MVK: variants seen among roughly 807,000 people sequenced by gnomAD.
The protein encoded by MVK is LH receptor mRNA-binding protein.
MVK carries 34 observed loss-of-function variants against 43.2 expected under a neutral mutation model. The observed-to-expected ratio is 0.79, with a 90% CI of 0.60 to 1.05. The LOEUF (loss-of-function observed/expected upper bound fraction) is 1.05. MVK is among the 50% of genes least tolerant of loss of function. The pLI is 0.00. For missense variants in MVK, 395 were observed against 504.0 expected, an observed-to-expected ratio of 0.78 and a Z score of 2.07; for synonymous variants, 190 against 219.8, an observed-to-expected ratio of 0.86 and a Z score of 1.20.
In MVK at chr12:109,595,717, G is replaced by A. The variant is rs925637712; in HGVS notation, c.1039+536G>A. ...GACACCTACCTCTGCCCTCAGGCTC[G>A]CTCCTGGCCTACAGTAGGCACTAAC... On this transcript the variant is annotated intron_variant, in intron 10 of 10. Transcript: ENST00000228510. This position sits in a 1 kb window ranked among gnomAD's most constrained non-coding sequence, Gnocchi z 5.9. Among the ~76,000 whole-genome samples the A allele has an allele frequency of 6.6e-6, 1 of 152,140 alleles. No homozygotes were observed. The highest frequency in any genetic ancestry group is 1.5e-5 in the Non-Finnish European group (1 of 68,012).
At position 109,596,848 on chromosome 12, in the gene MVK, C is replaced by G. The variant is rs923153834; in HGVS notation, c.*271C>G. 5.5e-6 allele frequency: 3 copies of G among 543,720 alleles called. No homozygotes were observed. In the African/African-American group the frequency reaches 5.7e-5, roughly 10 times the overall value. 33.7% of individuals were successfully genotyped at this position (543,720 alleles called of 1,614,324 possible). ...GACCTGAGGCGAGAAGGGCTGCTTC[C>G]CTGAAGCTCCCACAGTCCCATCTGC... On this transcript the variant is annotated 3_prime_UTR_variant, in exon 11 of 11. Transcript: ENST00000228510.
chr12:109,586,053 A>G lies in MVK; in HGVS notation c.559A>G (p.Lys187Glu). The stretch of plus-strand genomic sequence containing the variant: ...CAAGGAGGATTTGGAGCTAATTAAC[A>G]AGTGGGCCTTCCAAGGGGAGAGAAT... Reference protein sequence around the residue: ...WTKEDLELINKWAFQGERMIH... With the variant: ...WTKEDLELINEWAFQGERMIH... The change falls in exon 6 of 11, where the codon AAG becomes GAG. Residue 187 changes from lysine (K) to glutamate (E), a missense_variant. Transcript: ENST00000228510. 6.2e-7 allele frequency: 1 copy of G among 1,614,118 alleles called. No homozygotes were observed. Among genetic ancestry groups the G allele is most frequent in the East Asian group, 2.2e-5 (1 of 44,882 alleles).
chr12:109,588,762 C>G (rs532643487), intron 7 of MVK: 2 of 152,392 alleles, frequency 1.3e-5, no homozygotes, highest in Admixed American at 1.3e-4. Context: ...GTACTGGGGC[C>G]TCCGCAGGGA....
In MVK at chr12:109,595,303, G is replaced by A; in HGVS notation, c.1039+122G>A. 7.8e-7 allele frequency: 1 copy of A among 1,275,046 alleles called. No individual in the cohort carries two copies. The highest frequency in any genetic ancestry group is 2.4e-5 in the East Asian group (1 of 41,044). The allele number at this position is 1,275,046 out of a possible 1,614,324, so 79.0% of individuals were successfully genotyped here. On this transcript the variant is annotated intron_variant, in intron 10 of 10. Coordinates refer to ENST00000228510, the MANE Select transcript of MVK (RefSeq NM_000431.4). The surrounding 1 kb of genome is among the most constrained non-coding windows in gnomAD (Gnocchi z 5.9). ...GGTCTCAGCTCCGCTGTGTGGCCTTGGGCAAGTTAGTTAACCTCTGGTCTT... is the reference window on the plus strand; with the variant it reads ...GGTCTCAGCTCCGCTGTGTGGCCTTAGGCAAGTTAGTTAACCTCTGGTCTT...
chr12:109,596,662 CG>C lies in MVK; in HGVS notation c.*86del. 1 of 1,545,236 alleles carries C rather than the reference CG, an allele frequency of 6.5e-7. No homozygotes were observed. The highest frequency in any genetic ancestry group is 8.7e-7 in the Non-Finnish European group (1 of 1,143,796). The stretch of plus-strand genomic sequence containing the variant: ...TGCAGTTCGACTCTGTGCTGGCCAG[CG>C]AGCGCCCAGCTCCTGACACTGCTGG... On this transcript the variant is annotated 3_prime_UTR_variant, in exon 11 of 11. Coordinates refer to ENST00000228510, the MANE Select transcript of MVK (RefSeq NM_000431.4).
rs1884874350 is a variant in MVK at position 109,575,031 on chromosome 12, G to T, written c.78+131G>T. On this transcript the variant is annotated intron_variant, in intron 2 of 10. Transcript: ENST00000228510. ...GAGAGATCAGGTTCTCCCCAGCCAGGCAAGGAAAAGATTTCTTATGCCCAC... is the reference window on the plus strand; with the variant it reads ...GAGAGATCAGGTTCTCCCCAGCCAGTCAAGGAAAAGATTTCTTATGCCCAC... The T allele has an allele frequency of 5.6e-6, 5 of 892,764 alleles. No homozygotes were observed. In the South Asian group the frequency reaches 5.7e-5, roughly 10 times the overall value. The allele number at this position is 892,764 out of a possible 1,614,324, so 55.3% of individuals were successfully genotyped here.
upstream of MVK, chr12:109,573,391 G>C (rs977547060): frequency 6.2e-7 from 1 of 1,612,442 alleles, no homozygotes; most frequent in Non-Finnish European, 8.5e-7. Context: ...TCTGGAAACG[G>C]GGATACAGGA....
intron 5 of MVK, among the ~76,000 whole-genome samples, chr12:109,585,662 G>T (rs771740445): frequency 6.6e-6 from 1 of 152,152 alleles, no homozygotes; most frequent in South Asian, 2.1e-4. Flanking sequence ...CCAGCTGCTC[G>T]GGAGGCTGAG....
chr12:109,581,502 T>A lies in MVK; in HGVS notation c.479T>A (p.Val160Glu). Reference sequence around the variant, plus strand: ...TGTCTGGCAGCAGCCCTCCTGACTGTGTGCGAGGAGATCCCAAACCCGCTG... The same window carrying A: ...TGTCTGGCAGCAGCCCTCCTGACTGAGTGCGAGGAGATCCCAAACCCGCTG... ...SVCLAAALLT[V>E]CEEIPNPLKD... The change falls in exon 5 of 11, where the codon GTG (valine) becomes GAG (glutamate). Residue 160 changes from valine (V) to glutamate (E), a missense_variant. Physicochemically the swap from Val to Glu is moderately radical, Grantham distance 121 (BLOSUM62 -2). Transcript: ENST00000228510. 14 of 1,614,214 alleles carry A rather than the reference T, an allele frequency of 8.7e-6. No individual in the cohort carries two copies. The highest frequency in any genetic ancestry group is 1.2e-5 in the Non-Finnish European group (14 of 1,180,034).
intron 3 of MVK, among the ~76,000 whole-genome samples, chr12:109,577,306 A>T (rs2136220768): frequency 6.6e-6 from 1 of 152,334 alleles, no homozygotes; most frequent in East Asian, 1.9e-4. Context: ...CCTGGGCTGA[A>T]TGAAGCCTTG....
Position 109,596,837 on chromosome 12 carries a change from AG to A in MVK, c.*263del. ...CTGAGACTCCAGACCTGAGGCGAGA[AG>A]GGCTGCTTCCCTGAAGCTCCCACAG... is the stretch of plus-strand genomic sequence containing the variant. On this transcript the variant is annotated 3_prime_UTR_variant, in exon 11 of 11. Coordinates refer to ENST00000228510, the MANE Select transcript of MVK (RefSeq NM_000431.4). 1.8e-6 allele frequency: 1 copy of A among 566,614 alleles called. No homozygotes were observed. The highest frequency in any genetic ancestry group is 2.0e-5 in the South Asian group (1 of 50,048). The allele number at this position is 566,614 out of a possible 1,614,324, so 35.1% of individuals were successfully genotyped here. A position where few individuals can be genotyped will look rare whatever the true frequency, so the allele number is the denominator to read the frequency against.
chr12:109,590,840 C>A lies in MVK; in HGVS notation c.747C>A (p.Gly249=), dbSNP rs144788669. ...VPRNTRALVA[G]VRNRLLKFPE... is the part of the protein sequence containing the mutation. ...GCAATACCAGGGCCCTTGTGGCTGG[C>A]GTCAGAAACAGGCTGCTCAAGGTGA... is the stretch of plus-strand genomic sequence containing the variant. The change falls in exon 8 of 11, where the codon GGC becomes GGA. Residue 249 remains glycine, a synonymous_variant. Coordinates refer to ENST00000228510, the MANE Select transcript of MVK (RefSeq NM_000431.4). 4 of 1,613,930 alleles carry A rather than the reference C, an allele frequency of 2.5e-6. No homozygotes were observed. The highest frequency in any genetic ancestry group is 2.7e-5 in the African/African-American group (2 of 74,898).
chr12:109,577,693 T>TG (rs1885019227), intron 3 of MVK, among the ~76,000 whole-genome samples: 1 of 152,118 alleles, frequency 6.6e-6, no homozygotes, highest in South Asian at 2.1e-4. Context: ...GTGATGGTGG[T>TG]GGTGGTTTTT....
chr12:109,587,412 C>CAA (rs1885485550), intron 7 of MVK, among the ~76,000 whole-genome samples: 1 of 152,070 alleles, frequency 6.6e-6, no homozygotes, highest in African/African-American at 2.4e-5. Flanking sequence ...GCGATTTCAG[C>CAA]ATTCTCTGTT....
Position 109,579,907 on chromosome 12 carries a change from C to T in MVK, c.332C>T (p.Ala111Val), listed in dbSNP as rs2136224647. The T allele has an allele frequency of 6.2e-7, 1 of 1,614,224 alleles. No homozygotes were observed. The highest frequency in any genetic ancestry group is 2.2e-5 in the East Asian group (1 of 44,886). The change falls in exon 4 of 11, where the codon GCC becomes GTC. Residue 111 changes from alanine to valine, a missense_variant. Physicochemically the swap from Ala to Val is moderately conservative, Grantham distance 64. Coordinates refer to ENST00000228510, the MANE Select transcript of MVK (RefSeq NM_000431.4). The stretch of plus-strand genomic sequence containing the variant: ...GTCACCGAGCGCCTGGCTGTGCTGG[C>T]CTTTCTTTACTTATACCTGTCCATC... ...CAVTERLAVL[A>V]FLYLYLSICR...
chr12:109,573,307 A>G (rs1884728421), upstream of MVK: 2 of 1,611,494 alleles, frequency 1.2e-6, no homozygotes, highest in Non-Finnish European at 1.7e-6. Flanking sequence ...ACCACGATTC[A>G]CGGCAGGTGT....
chr12:109,590,908 C>T, intron 8 of MVK, 47 bp downstream of exon 8: 1 of 1,581,498 alleles, frequency 6.3e-7, no homozygotes, highest in Non-Finnish European at 8.7e-7. Context: ...GGCCAGGACA[C>T]AATTACATCT....
rs776000028 is a variant in MVK, at chr12:109,586,091, C to T, written c.597C>T (p.Asn199=). The change falls in exon 6 of 11, where the codon AAC becomes AAT. Residue 199 remains asparagine (N), a synonymous_variant. Transcript: ENST00000228510. ...AAGGGGAGAGAATGATTCACGGGAA[C>T]CCCTCCGGAGTGGACAATGCTGTCA... is the stretch of plus-strand genomic sequence containing the variant. ...AFQGERMIHG[N]PSGVDNAVST... is the part of the protein sequence containing the mutation. 2.5e-6 allele frequency: 4 copies of T among 1,614,178 alleles called. No individual in the cohort carries two copies. Among genetic ancestry groups the T allele is most frequent in the Non-Finnish European group, 2.5e-6 (3 of 1,180,018 alleles).
At chr12:109,596,337 A>C in intron 10 of MVK, 89 bp from the exon 11 acceptor site, 2 of 1,533,114 alleles carry the variant, frequency 1.3e-6, no homozygotes, top group Non-Finnish European at 1.8e-6. Context: ...AAGGCACAGC[A>C]GGAAGGCCTG....
Sources: gnomAD v4.1 joint callset for allele counts (sites outside exome capture counted in the v4.1 genomes callset) on GRCh38, gnomAD v4.1.1 for gene constraint, Gnocchi (gnomAD v3.1) non-coding constraint, MANE v1.5 for transcripts, NCBI Gene and HGNC (gene_info 2026-07-23, HGNC 2026-07-21) for gene names.